The following MGA variants were observed in gnomAD, a reference collection of about 807,000 sequenced individuals.
MGA encodes MAX gene-associated protein.
MGA carries 40 observed loss-of-function variants against 261.1 expected under a neutral mutation model. That is an observed-to-expected ratio of 0.15 (90% CI 0.12 to 0.20). The LOEUF is 0.20. Among genes scored for constraint, MGA ranks in the 10% least tolerant of loss-of-function variants. MGA has a pLI of 1.00. For synonymous variants in MGA, 1,302 were observed against 1,290.6 expected (o/e 1.01, Z -0.19); for missense variants, 3,397 against 3,630.5 (o/e 0.94, Z 1.65).
chr15:41,754,231 T>A (rs2063015670), intron 17 of MGA, among the ~76,000 whole-genome samples: 1 of 152,204 alleles, frequency 6.6e-6, no homozygotes, highest in Non-Finnish European at 1.5e-5. Flanking sequence ...TATATATGAC[T>A]TATAGTTCTT....
intron 5 of MGA, 147 bp downstream of exon 5, chr15:41,699,306 C>T: frequency 1.7e-6 from 1 of 596,272 alleles, no homozygotes; most frequent in East Asian, 3.1e-5. Flanking sequence ...TTCAGCACGT[C>T]TTTCAGTTTG....
chr15:41,745,161 G>A (rs1048543215), intron 15 of MGA, among the ~76,000 whole-genome samples: 10 of 152,028 alleles, frequency 6.6e-5, no homozygotes, highest in South Asian at 2.1e-4. Context: ...TATTACAGGC[G>A]TGAGCCACAG....
chr15:41,649,694 T>G (rs2057003035), intron 1 of MGA, among the ~76,000 whole-genome samples: 1 of 152,150 alleles, frequency 6.6e-6, no homozygotes, highest in Non-Finnish European at 1.5e-5. Context: ...TTTGTTTGTT[T>G]ATTGAGCTGG....
In MGA at chr15:41,628,506, A is replaced by G. The variant is rs181373039; in HGVS notation, c.-68+7208A>G. Among the ~76,000 whole-genome samples the G allele has an allele frequency of 4.4e-3, 676 of 152,120 alleles. 5 individuals are homozygous for G. Among genetic ancestry groups the G allele is most frequent in the African/African-American group, 0.016 (646 of 41,482 alleles). On this transcript the variant is annotated intron_variant, in intron 1 of 8. Coordinates refer to the MGA transcript ENST00000566718. ...AACATTTGAACATAACACGACCTGA[A>G]TGATAAAGAGTAAGACACACCCAAA...
intron 1 of MGA, among the ~76,000 whole-genome samples, chr15:41,632,094 G>A (rs1284445612): frequency 2.0e-5 from 3 of 152,016 alleles, no homozygotes; most frequent in Non-Finnish European, 4.4e-5. Flanking sequence ...TTTATCTCAC[G>A]TCATATGTCT....
At chr15:41,686,196 T>G (rs1232872462) in intron 2 of MGA, among the ~76,000 whole-genome samples, 3 of 151,994 alleles carry the variant, frequency 2.0e-5, no homozygotes, top group African/African-American at 7.2e-5. Flanking sequence ...TTGCATTGCT[T>G]GGACTCCCAG....
At chr15:41,725,526 G>A (rs1228868783) in intron 9 of MGA, among the ~76,000 whole-genome samples, 4 of 151,864 alleles carry the variant, frequency 2.6e-5, no homozygotes, top group Non-Finnish European at 5.9e-5. Context: ...AGTGAGACTT[G>A]TACTCTTAAA....
intron 5 of MGA, among the ~76,000 whole-genome samples, chr15:41,706,113 T>C (rs2060096945): frequency 6.6e-6 from 1 of 152,094 alleles, no homozygotes; most frequent in South Asian, 2.1e-4. Context: ...GGCACACGCC[T>C]GTAATCCCAG....
At chr15:41,700,704 A>G (rs2059805426) in intron 5 of MGA, among the ~76,000 whole-genome samples, 1 of 152,098 alleles carries the variant, frequency 6.6e-6, no homozygotes. Context: ...CATGATCACT[A>G]CCAATTTTCC....
intron 2 of MGA, among the ~76,000 whole-genome samples, chr15:41,693,144 T>C (rs942871083): frequency 2.6e-5 from 4 of 152,098 alleles, no homozygotes; most frequent in East Asian, 1.9e-4. Context: ...CCGGCTTCTA[T>C]TGGAGGATTT....
chr15:41,658,160 TC>T (rs1469095416), upstream of MGA, among the ~76,000 whole-genome samples: 1 of 152,206 alleles, frequency 6.6e-6, no homozygotes, highest in Non-Finnish European at 1.5e-5. Flanking sequence ...TTTGTTTGTT[TC>T]CCCTTAATAT....
At chr15:41,700,077 C>A (rs999835522) in intron 5 of MGA, among the ~76,000 whole-genome samples, 2 of 129,318 alleles carry the variant, frequency 1.5e-5, no homozygotes, top group African/African-American at 5.8e-5. Context: ...TGCGCAGTCT[C>A]GCTCTCGCCC....
At chr15:41,705,039 A>G (rs550232648) in intron 5 of MGA, among the ~76,000 whole-genome samples, 1 of 152,368 alleles carries the variant, frequency 6.6e-6, no homozygotes, top group African/African-American at 2.4e-5. Context: ...TTGAATAAAA[A>G]TATAAAAAGA....
At chr15:41,693,974 AGAAATC>A (rs1399027270) in intron 2 of MGA, among the ~76,000 whole-genome samples, 4 of 152,118 alleles carry the variant, frequency 2.6e-5, no homozygotes, top group African/African-American at 9.7e-5. Context: ...GATTTCTGCA[AGAAATC>A]TAAGAAAATA....
At chr15:41,703,988 T>A (rs2059984421) in intron 5 of MGA, among the ~76,000 whole-genome samples, 1 of 152,026 alleles carries the variant, frequency 6.6e-6, no homozygotes. Flanking sequence ...TTTTTGGTAT[T>A]TTTTTGTAGA....
At chr15:41,656,989 T>C (rs1405299065), upstream of MGA, among the ~76,000 whole-genome samples, 6 of 152,026 alleles carry the variant, frequency 3.9e-5, no homozygotes, top group Non-Finnish European at 7.4e-5. Context: ...TCCAGGCTGG[T>C]TTTGAACTCC....
intron 1 of MGA, among the ~76,000 whole-genome samples, chr15:41,666,173 G>T (rs925465782): frequency 2.0e-5 from 3 of 147,716 alleles, no homozygotes; most frequent in Non-Finnish European, 2.9e-5. Context: ...GGAATTACCG[G>T]TGTGAGCCAC....
chr15:41,697,066 T>C (rs2059578025), intron 3 of MGA, 43 bp downstream of exon 3: 1 of 1,401,076 alleles, frequency 7.1e-7, no homozygotes, highest in East Asian at 2.5e-5. Context: ...TAATTAGTCA[T>C]ACTTGAATTG....
At chr15:41,758,680 A>T (rs1289538532) in intron 19 of MGA, among the ~76,000 whole-genome samples, 1 of 152,116 alleles carries the variant, frequency 6.6e-6, no homozygotes, top group East Asian at 1.9e-4. Flanking sequence ...TTTAATGTTT[A>T]TATTGCTTTT....
Sources: gnomAD v4.1 joint callset for allele counts (sites outside exome capture counted in the v4.1 genomes callset) on GRCh38, gnomAD v4.1.1 for gene constraint, MANE v1.5 for transcripts, NCBI Gene and HGNC (gene_info 2026-07-23, HGNC 2026-07-21) for gene names.